Variants in PLEC observed in about 807,000 individuals in gnomAD.
PLEC encodes plectin, also known as hemidesmosomal protein 1.
Under a neutral mutation model 392.8 loss-of-function variants are expected in PLEC, and 216 were observed. The observed-to-expected ratio is 0.55, with a 90% CI of 0.49 to 0.62. The LOEUF is 0.62. Ranked by LOEUF, PLEC falls within the 20% of genes least tolerant of loss-of-function variation. The pLI is 0.00. For missense variants in PLEC, 6,863 were observed against 6,563.4 expected, an observed-to-expected ratio of 1.05 and a Z score of -1.58; for synonymous variants, 3,621 against 2,980.6, an observed-to-expected ratio of 1.21 and a Z score of -7.00.
At chr8:143,939,713 A>C, upstream of PLEC, 1 of 1,266,630 alleles carries the variant, frequency 7.9e-7, no homozygotes, top group East Asian at 3.0e-5. Context: ...GGAAGGAGCA[A>C]GCAGCCCCCT....
chr8:143,963,508 C>T (rs535512544), intron 1 of PLEC, among the ~76,000 whole-genome samples: 9 of 152,320 alleles, frequency 5.9e-5, no homozygotes, highest in African/African-American at 1.9e-4. Flanking sequence ...GATGTCTAGT[C>T]TATGCCTAGC....
chr8:143,920,890 C>A lies in PLEC; in HGVS notation c.8931G>T (p.Leu2977=). The change falls in exon 32 of 32, where the codon CTG becomes CTT. Residue 2977 remains leucine, a synonymous_variant. Coordinates refer to ENST00000345136, the MANE Select transcript of PLEC (RefSeq NM_201384.3). ...GCTCGGCGGCTGGCACCAGGCTGCG[C>A]AGGCCCTCAAAGCAAAGCCGGCCCT... ...EQKGRLCFEG[L]RSLVPAAELL... The A allele has an allele frequency of 6.2e-7, 1 of 1,611,834 alleles. No individual in the cohort carries two copies. The highest frequency in any genetic ancestry group is 8.5e-7 in the Non-Finnish European group (1 of 1,180,004).
Position 143,918,787 on chromosome 8 carries a change from C to T in PLEC, c.11034G>A (p.Glu3678=), listed in dbSNP as rs782107632. The part of the protein sequence containing the change: ...EGTRSLREAL[E]AESAWCYLYG... ...AGAGGTAGCACCAGGCGGACTCCGC[C>T]TCGAGAGCCTCACGGAGGCTCCTGG... The change falls in exon 32 of 32, where the codon GAG becomes GAA. Residue 3678 remains glutamate, a synonymous_variant. Coordinates refer to ENST00000345136, the MANE Select transcript of PLEC (RefSeq NM_201384.3). 6.2e-7 allele frequency: 1 copy of T among 1,613,172 alleles called. No homozygotes were observed. Among genetic ancestry groups the T allele is most frequent in the Non-Finnish European group, 8.5e-7 (1 of 1,180,028 alleles).
Position 143,923,727 on chromosome 8 carries a change from TCTGCTGTAGCTC to T in PLEC, c.6190_6201del (p.Glu2064_Gln2067del), listed in dbSNP as rs782102115. 1 of 1,545,032 alleles carries T rather than the reference TCTGCTGTAGCTC, an allele frequency of 6.5e-7. No individual in the cohort carries two copies. The highest frequency in any genetic ancestry group is 1.4e-5 in the African/African-American group (1 of 73,426). On this transcript the variant is annotated inframe_deletion, in exon 31 of 32. Coordinates refer to ENST00000345136, the MANE Select transcript of PLEC (RefSeq NM_201384.3). ...AGCACGCTCTGCTCCTGCTGCAGCG[TCTGCTGTAGCTC>T]CTGCTCCTTCTGCTGCACCGCGAAG...
chr8:143,932,290 C>A, intron 16 of PLEC, 56 bp from the exon 17 acceptor site: 1 of 1,608,168 alleles, frequency 6.2e-7, no homozygotes, highest in Non-Finnish European at 8.5e-7. Context: ...CTCTGCCACG[C>A]TCCCAGCAAA....
At chr8:143,933,861 C>T in intron 12 of PLEC, 137 bp downstream of exon 12, 1 of 723,222 alleles carries the variant, frequency 1.4e-6, no homozygotes, top group South Asian at 1.6e-5. Flanking sequence ...CTGGATTCCC[C>T]ACCACATGCC....
At position 143,929,278 on chromosome 8, in the gene PLEC, C is replaced by T. The variant is rs1554710607; in HGVS notation, c.3085G>A (p.Ala1029Thr). ...CCCAGCCCCTCCACCTCTGCCTGTG[C>T]CTTCTGCAAAGACAGGGAGTGGGAA... ...CAQRIAEQQK[A>T]QAEVEGLGKG... The change falls in exon 25 of 32, where the codon GCA becomes ACA. Residue 1029 changes from alanine (A) to threonine (T), a missense_variant. Ala to Thr is a moderately conservative substitution (Grantham distance 58). Transcript: ENST00000345136. 6.2e-7 allele frequency: 1 copy of T among 1,600,420 alleles called. No homozygotes were observed. The highest frequency in any genetic ancestry group is 2.2e-5 in the East Asian group (1 of 44,830).
In PLEC at chr8:143,937,210, C is replaced by A; in HGVS notation, c.297G>T (p.Lys99Asn). 6.2e-7 allele frequency: 1 copy of A among 1,612,786 alleles called. No individual in the cohort carries two copies. Among genetic ancestry groups the A allele is most frequent in the Non-Finnish European group, 8.5e-7 (1 of 1,179,794 alleles). Reference sequence around the variant, plus strand: ...CCAGGGCAATCTGGACATTCTGCAGCTTGTGGAAACGCATCCTCCCCTTCT... The same window carrying A: ...CCAGGGCAATCTGGACATTCTGCAGATTGTGGAAACGCATCCTCCCCTTCT... ...PREKGRMRFHKLQNVQIALDY... is the reference protein window; with the variant it reads ...PREKGRMRFHNLQNVQIALDY... Residue 99 changes from lysine to asparagine, a missense_variant, in exon 4 of 32, where the codon AAG (lysine) becomes AAT (asparagine). Transcript: ENST00000345136.
upstream of PLEC, chr8:143,950,988 G>A (rs1832090316): frequency 5.3e-6 from 3 of 563,036 alleles, no homozygotes; most frequent in East Asian, 3.6e-5. Context: ...CAGCATGGGC[G>A]GCCCCTCCCA....
At chr8:143,926,702 A>G in intron 30 of PLEC, 82 bp downstream of exon 30, 1 of 1,176,126 alleles carries the variant, frequency 8.5e-7, no homozygotes, top group Non-Finnish European at 1.3e-6. Flanking sequence ...AGGTGGCCTC[A>G]GGCAGCTCCT....
In PLEC at chr8:143,918,389, T is replaced by C. The variant is rs1554675112; in HGVS notation, c.11432A>G (p.Asp3811Gly). Residue 3811 changes from aspartate to glycine, a missense_variant, in exon 32 of 32, where the codon GAC becomes GGC. Coordinates refer to ENST00000345136, the MANE Select transcript of PLEC (RefSeq NM_201384.3). ...DAQLATGGIVDPRLGFHLPLE... is the reference protein window; with the variant it reads ...DAQLATGGIVGPRLGFHLPLE... ...GGGAAGGTGGAAGCCCAGGCGGGGG[T>C]CCACGATGCCGCCGGTGGCCAGCTG... The C allele has an allele frequency of 2.6e-6, 4 of 1,565,946 alleles. No homozygotes were observed. Among genetic ancestry groups the C allele is most frequent in the Non-Finnish European group, 3.4e-6 (4 of 1,161,424 alleles).
In PLEC at chr8:143,925,373, G is replaced by A. The variant is rs182120395; in HGVS notation, c.4556C>T (p.Ser1519Leu). 1.3e-3 allele frequency: 2,037 copies of A among 1,566,678 alleles called. 1 individual carries two copies. The highest frequency in any genetic ancestry group is 1.5e-3 in the Non-Finnish European group (1,786 of 1,163,900). Residue 1519 changes from serine (S) to leucine (L), a missense_variant, in exon 31 of 32, where the codon TCG (serine) becomes TTG (leucine). Coordinates refer to ENST00000345136, the MANE Select transcript of PLEC (RefSeq NM_201384.3). ...RKRQAEVELASRVKAEAEAAR... is the reference protein window; with the variant it reads ...RKRQAEVELALRVKAEAEAAR... The stretch of plus-strand genomic sequence containing the variant: ...CGCCTCGGCCTCGGCCTTCACGCGC[G>A]AGGCCAGCTCCACCTCCGCCTGCCG...
intron 3 of PLEC, chr8:143,937,640 C>T (rs1829408657): frequency 4.0e-6 from 2 of 497,338 alleles, no homozygotes; most frequent in Non-Finnish European, 7.8e-6. Context: ...ACCTACCCGC[C>T]CAAGAGCCAG....
In PLEC at chr8:143,925,043, C is replaced by T. The variant is rs782516531; in HGVS notation, c.4886G>A (p.Arg1629Gln). 3.0e-5 allele frequency: 47 copies of T among 1,556,460 alleles called. No individual in the cohort carries two copies. The highest frequency in any genetic ancestry group is 1.8e-4 in the African/African-American group (13 of 73,652). Reference sequence around the variant, plus strand: ...CTTGAGCTGCCAGCGCTCCAGCTCCCGCTCTGCCTCCTCGCGCGCCCGCTC... The same window carrying T: ...CTTGAGCTGCCAGCGCTCCAGCTCCTGCTCTGCCTCCTCGCGCGCCCGCTC... ...EAERAREEAE[R>Q]ELERWQLKAN... Residue 1629 changes from arginine to glutamine, a missense_variant, in exon 31 of 32, where the codon CGG becomes CAG. By Grantham distance (43) the Arg-to-Gln change is conservative. Transcript: ENST00000345136.
chr8:143,953,708 C>G, upstream of PLEC: 1 of 1,608,846 alleles, frequency 6.2e-7, no homozygotes, highest in Non-Finnish European at 8.5e-7. Flanking sequence ...CGGCTCGGGC[C>G]CGGCCCCAGG....
In PLEC at chr8:143,920,884, G is replaced by C. The variant is rs1554683338; in HGVS notation, c.8937C>G (p.Ser2979Arg). 1.2e-6 allele frequency: 2 copies of C among 1,611,376 alleles called. No homozygotes were observed. Among genetic ancestry groups the C allele is most frequent in the East Asian group, 2.2e-5 (1 of 44,864 alleles). The change falls in exon 32 of 32, where the codon AGC (serine) becomes AGG (arginine). Residue 2979 changes from serine to arginine, a missense_variant. Transcript: ENST00000345136. ...CCAGCAGCTCGGCGGCTGGCACCAG[G>C]CTGCGCAGGCCCTCAAAGCAAAGCC... is the stretch of plus-strand genomic sequence containing the variant. The part of the protein sequence containing the change: ...KGRLCFEGLR[S>R]LVPAAELLES...
intron 1 of PLEC, among the ~76,000 whole-genome samples, chr8:143,959,665 A>G (rs1328186007): frequency 9.2e-5 from 14 of 152,264 alleles, no homozygotes; most frequent in Admixed American, 6.5e-4. Flanking sequence ...AGGGACGACG[A>G]CTGCAGTACC....
upstream of PLEC, among the ~76,000 whole-genome samples, chr8:143,940,152 TGCCCTG>T (rs1438113890): frequency 6.6e-6 from 1 of 152,136 alleles, no homozygotes; most frequent in African/African-American, 2.4e-5. Flanking sequence ...CCATGGTGCC[TGCCCTG>T]GCCCTGGGGC....
Position 143,927,376 on chromosome 8 carries a change from C to T in PLEC, c.3756+34G>A, listed in dbSNP as rs782664676. Reference sequence around the variant, plus strand: ...GTCAGAGCCGTGGCCGCAGGGCACGCCCAGCCGCCCCGTCCCCACCGACCC... The same window carrying T: ...GTCAGAGCCGTGGCCGCAGGGCACGTCCAGCCGCCCCGTCCCCACCGACCC... On this transcript the variant is annotated intron_variant, in intron 27 of 31. Coordinates refer to ENST00000345136, the MANE Select transcript of PLEC (RefSeq NM_201384.3). 2.5e-6 allele frequency: 4 copies of T among 1,609,382 alleles called. No individual in the cohort carries two copies. In the South Asian group the frequency reaches 4.4e-5, roughly 18 times the overall value.
Sources: gnomAD v4.1 joint callset for allele counts (sites outside exome capture counted in the v4.1 genomes callset) on GRCh38, gnomAD v4.1.1 for gene constraint, MANE v1.5 for transcripts, NCBI Gene and HGNC (gene_info 2026-07-23, HGNC 2026-07-21) for gene names.